Variants in CYP4Z1 observed in about 807,000 individuals in gnomAD.
CYP4Z1 encodes the protein cytochrome P450 4Z1.
A neutral mutation model predicts 54.2 loss-of-function variants in CYP4Z1; 41 were observed. The observed-to-expected ratio is 0.76, with a 90% CI of 0.59 to 0.98. CYP4Z1 has a LOEUF of 0.98. CYP4Z1 is among the 50% of genes least tolerant of loss of function. CYP4Z1 has a pLI of 0.00. For synonymous variants in CYP4Z1, 163 were observed against 206.2 expected, an observed-to-expected ratio of 0.79 and a Z score of 1.79; for missense variants, 513 against 599.0, an observed-to-expected ratio of 0.86 and a Z score of 1.50.
intron 6 of CYP4Z1, among the ~76,000 whole-genome samples, chr1:47,086,623 A>C (rs1644597115): frequency 6.6e-6 from 1 of 151,808 alleles, no homozygotes; most frequent in Admixed American, 6.5e-5. Flanking sequence ...GATTGCAAAA[A>C]TTTTCTCCCA....
Position 47,083,423 on chromosome 1 carries a change from A to G in CYP4Z1, c.492+962A>G, listed in dbSNP as rs185670722. ...GCTTATTATATCCTTTTATACTACT[A>G]CAGTCTTACAATTTTGCTGTATTAT... On this transcript the variant is annotated intron_variant, in intron 4 of 11. Transcript: ENST00000334194. 3.5e-3 allele frequency among the ~76,000 whole-genome samples: 537 copies of G among 152,314 alleles called. 3 individuals carry two copies. The highest frequency in any genetic ancestry group is 5.1e-3 in the Non-Finnish European group (346 of 68,026).
chr1:47,058,762 T>C, the CYP4Z1 span, among the ~76,000 whole-genome samples: 1 of 152,128 alleles, frequency 6.6e-6, no homozygotes, highest in African/African-American at 2.4e-5. Context: ...CTCTTTCTTG[T>C]CCCTACTCTA....
intron 9 of CYP4Z1, among the ~76,000 whole-genome samples, chr1:47,113,133 T>C (rs1373708422): frequency 6.6e-6 from 1 of 152,216 alleles, no homozygotes; most frequent in Non-Finnish European, 1.5e-5. Context: ...CTCCACAGGC[T>C]GATCTATGGA....
At chr1:47,057,628 T>G in the CYP4Z1 span, among the ~76,000 whole-genome samples, 5 of 151,148 alleles carry the variant, frequency 3.3e-5, no homozygotes, top group South Asian at 1.0e-3. Flanking sequence ...TACTTCTAAG[T>G]TTTAGACTTT....
At chr1:47,110,615 G>A (rs537641501) in intron 9 of CYP4Z1, among the ~76,000 whole-genome samples, 29 of 152,252 alleles carry the variant, frequency 1.9e-4, no homozygotes, top group Admixed American at 1.2e-3. Flanking sequence ...AATAATTGAT[G>A]AGCCTGTGAA....
Position 47,073,846 on chromosome 1 carries a change from G to GT in CYP4Z1, c.319+5090dup, listed in dbSNP as rs202152085. 9.6e-3 allele frequency among the ~76,000 whole-genome samples: 1,454 copies of GT among 152,166 alleles called. 19 individuals carry two copies. The highest frequency in any genetic ancestry group is 0.032 in the African/African-American group (1,345 of 41,416). ...GTTTTTAAATATATATAGTACACAAGTTTTTTTATCAGATATATGATTTGC... is the reference window on the plus strand; with the variant it reads ...GTTTTTAAATATATATAGTACACAAGTTTTTTTTATCAGATATATGATTTGC... On this transcript the variant is annotated intron_variant, in intron 2 of 11. Coordinates refer to ENST00000334194, the MANE Select transcript of CYP4Z1 (RefSeq NM_178134.3).
At chr1:47,064,766 A>T (rs1379357044), upstream of CYP4Z1, among the ~76,000 whole-genome samples, 1 of 152,204 alleles carries the variant, frequency 6.6e-6, no homozygotes, top group East Asian at 1.9e-4. Flanking sequence ...CAGAATGGAT[A>T]AGAAATTACC....
chr1:47,064,136 G>GCCC (rs1168196221), upstream of CYP4Z1, among the ~76,000 whole-genome samples: 2 of 144,862 alleles, frequency 1.4e-5, no homozygotes, highest in East Asian at 2.0e-4. Context: ...ACACTGGAGT[G>GCCC]CAGTGGCGCG....
intron 2 of CYP4Z1, among the ~76,000 whole-genome samples, chr1:47,076,885 GT>G (rs1237611485): frequency 6.9e-6 from 1 of 145,498 alleles, no homozygotes; most frequent in East Asian, 2.2e-4. Flanking sequence ...TAATATTCAT[GT>G]TTTGTGAATT....
chr1:47,094,955 T>C (rs1569733408), intron 7 of CYP4Z1, among the ~76,000 whole-genome samples: 1 of 152,094 alleles, frequency 6.6e-6, no homozygotes. Flanking sequence ...AGCATGACTC[T>C]GTCTCAAAAA....
the CYP4Z1 span, among the ~76,000 whole-genome samples, chr1:47,057,572 C>T: frequency 7.0e-6 from 1 of 143,404 alleles, no homozygotes; most frequent in Non-Finnish European, 1.5e-5. Flanking sequence ...TTCTTTTGCT[C>T]ATCCAGTGAG....
intron 6 of CYP4Z1, among the ~76,000 whole-genome samples, chr1:47,089,856 A>G (rs1569726000): frequency 6.6e-6 from 1 of 152,292 alleles, no homozygotes; most frequent in South Asian, 2.1e-4. Flanking sequence ...GCCCCTTCAC[A>G]GCAGTTAGGT....
chr1:47,085,015 G>C lies in CYP4Z1; in HGVS notation c.772+37G>C, dbSNP rs533843363. On this transcript the variant is annotated intron_variant, in intron 6 of 11. Transcript: ENST00000334194. ...GATTTACATGGCCAGAGTCCACTATGAGACATCTCATTGTCTGAGACATTG... is the reference window on the plus strand; with the variant it reads ...GATTTACATGGCCAGAGTCCACTATCAGACATCTCATTGTCTGAGACATTG... 1,774 of 805,254 alleles carry C rather than the reference G, an allele frequency of 2.2e-3. 1 individual carries two copies. Among genetic ancestry groups the C allele is most frequent in the Non-Finnish European group, 2.6e-3 (1,327 of 514,116 alleles). The allele number at this position is 805,254 out of a possible 1,614,324, so 49.9% of individuals were successfully genotyped here.
At chr1:47,058,010 C>T in the CYP4Z1 span, among the ~76,000 whole-genome samples, 1 of 152,018 alleles carries the variant, frequency 6.6e-6, no homozygotes, top group Non-Finnish European at 1.5e-5. Context: ...TTTGGTTTTA[C>T]ATTTTGCTTG....
At chr1:47,065,909 T>C (rs974326584), upstream of CYP4Z1, among the ~76,000 whole-genome samples, 1 of 152,086 alleles carries the variant, frequency 6.6e-6, no homozygotes, top group Admixed American at 6.5e-5. Context: ...TGCCTTTATA[T>C]GCATAAACTA....
chr1:47,109,179 G>A (rs1332135116), intron 9 of CYP4Z1, among the ~76,000 whole-genome samples: 3 of 152,198 alleles, frequency 2.0e-5, no homozygotes, highest in Admixed American at 6.5e-5. Context: ...TCCCATAAAA[G>A]TGAAAAGAAT....
rs563762556 is a variant in CYP4Z1, at chr1:47,113,803, A to G, written c.1202-1726A>G. ...GCTCAATGAAATAAAAGAGGATACA[A>G]ACAAATGGAAGAACATTCCATGCTC... is the stretch of plus-strand genomic sequence containing the variant. On this transcript the variant is annotated intron_variant, in intron 9 of 11. Transcript: ENST00000334194. 2.6e-3 allele frequency among the ~76,000 whole-genome samples: 398 copies of G among 152,286 alleles called. 1 individual carries two copies. Among genetic ancestry groups the G allele is most frequent in the Non-Finnish European group, 4.1e-3 (276 of 68,024 alleles).
intron 2 of CYP4Z1, among the ~76,000 whole-genome samples, chr1:47,074,618 A>G (rs1233590387): frequency 6.6e-6 from 1 of 151,954 alleles, no homozygotes; most frequent in African/African-American, 2.4e-5. Flanking sequence ...CATTCTCCCC[A>G]TTGAATGGTA....
chr1:47,109,637 A>G (rs1490884397), intron 9 of CYP4Z1, among the ~76,000 whole-genome samples: 1 of 152,198 alleles, frequency 6.6e-6, no homozygotes, highest in Admixed American at 6.5e-5. Flanking sequence ...TTTTCTGGAC[A>G]ATGCAGATCC....
Sources: allele counts gnomAD v4.1 joint callset (sites outside exome capture counted in the v4.1 genomes callset), GRCh38; gene constraint gnomAD v4.1.1; transcripts MANE v1.5; gene names NCBI Gene and HGNC (gene_info 2026-07-23, HGNC 2026-07-21).